The following SCN3A variants were observed in gnomAD, a reference collection of about 807,000 sequenced individuals.
SCN3A encodes sodium voltage-gated channel alpha subunit 3, also known as sodium channel protein type 3 subunit alpha.
Under a neutral mutation model 187.6 loss-of-function variants are expected in SCN3A, and 60 were observed. The ratio of observed to expected loss-of-function variants is 0.32; its 90% CI spans 0.26 to 0.40. The LOEUF (loss-of-function observed/expected upper bound fraction) is 0.40. SCN3A is among the 10% of genes least tolerant of loss of function. The pLI is 1.00. For synonymous variants in SCN3A, 788 were observed against 829.2 expected, an observed-to-expected ratio of 0.95 and a Z score of 0.85; for missense variants, 1,601 against 2,428.2, an observed-to-expected ratio of 0.66 and a Z score of 7.16.
At chr2:165,153,573 T>C (rs971407699) in intron 11 of SCN3A, among the ~76,000 whole-genome samples, 8 of 151,900 alleles carry the variant, frequency 5.3e-5, no homozygotes, top group Non-Finnish European at 1.2e-4. Context: ...GGATTAAAGA[T>C]TTGAACAACC....
chr2:165,193,469 A>C (rs1008108765), intron 1 of SCN3A, among the ~76,000 whole-genome samples: 1 of 152,140 alleles, frequency 6.6e-6, no homozygotes, highest in African/African-American at 2.4e-5. Flanking sequence ...ATATAAAGCA[A>C]ACAGCATTCT....
At position 165,115,555 on chromosome 2, in the gene SCN3A, T is replaced by C; in HGVS notation, c.3414A>G (p.Ser1138=). Residue 1138 remains serine (S), a synonymous_variant, in exon 19 of 28, where the codon TCA becomes TCG. Coordinates refer to ENST00000283254, the MANE Select transcript of SCN3A (RefSeq NM_006922.4). ...CAACATCAACTGTGCTTCCTTCAGA[T>C]GAGCTGGTTGCATTTAATTTCTGGA... ...ESKEKLNATS[S]SEGSTVDVVL... 1 of 1,608,308 alleles carries C rather than the reference T, an allele frequency of 6.2e-7. No individual in the cohort carries two copies. Among genetic ancestry groups the C allele is most frequent in the Non-Finnish European group, 8.5e-7 (1 of 1,175,018 alleles).
intron 9 of SCN3A, among the ~76,000 whole-genome samples, chr2:165,160,021 C>T (rs919217813): frequency 1.5e-5 from 2 of 134,586 alleles, no homozygotes; most frequent in South Asian, 2.3e-4. Flanking sequence ...CCCAGCTACT[C>T]GGGAGGCTGA....
intron 17 of SCN3A, among the ~76,000 whole-genome samples, chr2:165,129,533 C>A (rs1260383143): frequency 1.3e-5 from 2 of 152,136 alleles, no homozygotes; most frequent in Non-Finnish European, 2.9e-5. Flanking sequence ...TATGAACATG[C>A]AAAGAGCAAT....
chr2:165,145,336 G>A (rs2105827125), intron 12 of SCN3A, among the ~76,000 whole-genome samples: 1 of 152,088 alleles, frequency 6.6e-6, no homozygotes, highest in East Asian at 1.9e-4. Flanking sequence ...CTGATCTGAG[G>A]AACCAAGTTG....
chr2:165,129,723 A>G (rs948507970), intron 17 of SCN3A, among the ~76,000 whole-genome samples: 1 of 152,200 alleles, frequency 6.6e-6, no homozygotes. Flanking sequence ...CTTTGCATTA[A>G]AGATATGATT....
chr2:165,139,488 T>C lies in SCN3A; in HGVS notation c.2140A>G (p.Asn714Asp). Residue 714 changes from asparagine to aspartate, a missense_variant, in exon 14 of 28, where the codon AAC becomes GAC. Asn to Asp is a conservative substitution (Grantham distance 23). Coordinates refer to ENST00000283254, the MANE Select transcript of SCN3A (RefSeq NM_006922.4). ...RAVSIASILT[N>D]TMEELEESRQ... The stretch of plus-strand genomic sequence containing the variant: ...ACCTGCTTCTTACCTTCCATTGTGT[T>C]GGTCAGAATGCTGGCTATGCTCACG... 1.9e-6 allele frequency: 3 copies of C among 1,613,948 alleles called. No homozygotes were observed. The highest frequency in any genetic ancestry group is 2.5e-6 in the Non-Finnish European group (3 of 1,179,872).
chr2:165,153,883 T>A (rs2105858542), intron 11 of SCN3A, among the ~76,000 whole-genome samples: 1 of 151,824 alleles, frequency 6.6e-6, no homozygotes, highest in South Asian at 2.1e-4. Flanking sequence ...AATGTCCCAT[T>A]CACTATACCC....
At chr2:165,170,336 A>G (rs1690026467) in intron 4 of SCN3A, 94 bp downstream of exon 4, 1 of 802,334 alleles carries the variant, frequency 1.2e-6, no homozygotes, top group Non-Finnish European at 2.2e-6. Flanking sequence ...ATTAATCTCA[A>G]AGAAATTTTA....
At chr2:165,158,859 G>A (rs1689207172) in intron 9 of SCN3A, among the ~76,000 whole-genome samples, 2 of 137,606 alleles carry the variant, frequency 1.5e-5, no homozygotes, top group South Asian at 4.5e-4. Context: ...GGGCATCTTG[G>A]TTACTTCCAG....
rs1684943002 is a variant in SCN3A, at chr2:165,088,638, G to A, written c.*1512C>T. On this transcript the variant is annotated 3_prime_UTR_variant, in exon 28 of 28. Transcript: ENST00000283254. ...AAATTATCCATTGAAAAATCTTATG[G>A]ATTCAAAAGTTTGGAATTGTGATTA... 1 of 152,378 alleles carries A rather than the reference G, an allele frequency of 6.6e-6. No homozygotes were observed. The highest frequency in any genetic ancestry group is 2.4e-5 in the African/African-American group (1 of 41,394). 9.4% of individuals were successfully genotyped at this position (152,378 alleles called of 1,614,324 possible).
At chr2:165,107,855 T>TA (rs1470499573) in intron 21 of SCN3A, among the ~76,000 whole-genome samples, 1 of 152,166 alleles carries the variant, frequency 6.6e-6, no homozygotes, top group Non-Finnish European at 1.5e-5. Flanking sequence ...GATTAATAAA[T>TA]ACTTTGTAAG....
chr2:165,096,378 A>G (rs963262680), intron 24 of SCN3A, 89 bp downstream of exon 24: 11 of 964,742 alleles, frequency 1.1e-5, no homozygotes, highest in South Asian at 1.1e-4. Flanking sequence ...GTTCTAATAT[A>G]GAATTTTGGA....
Position 165,146,758 on chromosome 2 carries a change from T to G in SCN3A, c.1652A>C (p.Lys551Thr), listed in dbSNP as rs1330556999. The change falls in exon 12 of 28, where the codon AAA becomes ACA. Residue 551 changes from lysine to threonine, a missense_variant. Lys to Thr is a moderately conservative substitution (Grantham distance 78). Around this residue, in one of 11 missense-constraint regions of SCN3A, gnomAD observed 376 missense variants for 476.0 expected, o/e 0.79. Transcript: ENST00000283254. ...TCATACCTGATGAGGGGAGCAGAAT[T>G]TTTTGTCACTGGTCAGTCTGTTTCC... The part of the protein sequence containing the change: ...MDGNRLTSDK[K>T]FCSPHQSLLS... The G allele has an allele frequency of 6.2e-7, 1 of 1,613,946 alleles. No individual in the cohort carries two copies. Among genetic ancestry groups the G allele is most frequent in the East Asian group, 2.2e-5 (1 of 44,862 alleles).
chr2:165,145,682 G>T (rs1227854511), intron 12 of SCN3A, among the ~76,000 whole-genome samples: 1 of 151,338 alleles, frequency 6.6e-6, no homozygotes, highest in Non-Finnish European at 1.5e-5. Flanking sequence ...ATTACTTCTG[G>T]TTTTTTTTAG....
intron 15 of SCN3A, among the ~76,000 whole-genome samples, chr2:165,134,981 A>C (rs978032030): frequency 4.6e-5 from 7 of 152,078 alleles, no homozygotes; most frequent in Non-Finnish European, 7.4e-5. Context: ...AAAACTTTTC[A>C]TTAAAAATAA....
intron 24 of SCN3A, among the ~76,000 whole-genome samples, chr2:165,096,171 A>G (rs549657486): frequency 1.3e-5 from 2 of 152,262 alleles, no homozygotes; most frequent in African/African-American, 4.8e-5. Context: ...CTCCAGGGAT[A>G]GGGAGAGACA....
Position 165,140,592 on chromosome 2 carries a change from G to A in SCN3A, c.2019+59C>T, listed in dbSNP as rs1687947025. The A allele has an allele frequency of 4.1e-6, 6 of 1,480,444 alleles. No homozygotes were observed. Among genetic ancestry groups the A allele is most frequent in the Middle Eastern group, 1.7e-4 (1 of 5,748 alleles). 91.7% of individuals were successfully genotyped at this position (1,480,444 alleles called of 1,614,324 possible). A position where few individuals can be genotyped will look rare whatever the true frequency, so the allele number is the denominator to read the frequency against. On this transcript the variant is annotated intron_variant, in intron 13 of 27. Transcript: ENST00000283254. The surrounding 1 kb of genome is among the most constrained non-coding windows in gnomAD (Gnocchi z 4.2). ...CGGTATGACAGCCTAAACTGTCCAG[G>A]CTTTGATTATTTCAAATTGGTGAAT...
At chr2:165,186,845 T>A (rs999549694) in intron 1 of SCN3A, 98 bp from the exon 2 acceptor site, 1 of 152,130 alleles carries the variant, frequency 6.6e-6, no homozygotes, top group Non-Finnish European at 1.5e-5. Context: ...CTTTTTTTTT[T>A]ATGGCCCTGG....
Sources: gnomAD v4.1 joint callset for allele counts (sites outside exome capture counted in the v4.1 genomes callset) on GRCh38, gnomAD v4.1.1 for gene constraint, gnomAD v4.1.1 regional missense constraint, Gnocchi (gnomAD v3.1) non-coding constraint, MANE v1.5 for transcripts, NCBI Gene and HGNC (gene_info 2026-07-23, HGNC 2026-07-21) for gene names.